RIMS2: variants seen among roughly 807,000 people sequenced by gnomAD.
RIMS2 encodes regulating synaptic membrane exocytosis protein 2.
In RIMS2, 59 loss-of-function variants were observed where a neutral mutation model predicts 174.4. The ratio of observed to expected loss-of-function variants is 0.34; its 90% CI spans 0.27 to 0.42. RIMS2 has a LOEUF of 0.42. Ranked by LOEUF, RIMS2 falls within the 10% of genes least tolerant of loss-of-function variation. The probability of loss-of-function intolerance (pLI) is 1.00; values close to 1 mark genes in which losing one functional copy is unlikely to be tolerated. For missense variants in RIMS2, 1,620 were observed against 1,666.3 expected, an observed-to-expected ratio of 0.97 and a Z score of 0.48; for synonymous variants, 606 against 572.5, an observed-to-expected ratio of 1.06 and a Z score of -0.84.
intron 1 of RIMS2, among the ~76,000 whole-genome samples, chr8:103,669,444 T>G (rs2096717210): frequency 1.3e-5 from 2 of 152,268 alleles, no homozygotes; most frequent in South Asian, 4.2e-4. Context: ...TCCCTCAAAG[T>G]CTTAACTCAT....
chr8:103,718,503 G>T (rs1337861007), intron 2 of RIMS2, among the ~76,000 whole-genome samples: 1 of 152,162 alleles, frequency 6.6e-6, no homozygotes, highest in Non-Finnish European at 1.5e-5. Flanking sequence ...TTTCCTCAGA[G>T]ATCCTGGATT....
At chr8:104,144,478 C>T (rs1011763160) in intron 19 of RIMS2, among the ~76,000 whole-genome samples, 4 of 152,020 alleles carry the variant, frequency 2.6e-5, no homozygotes, top group Admixed American at 6.6e-5. Flanking sequence ...AAAGAAGAAG[C>T]GATGTTGGAC....
chr8:103,916,373 A>G (rs760063223), intron 7 of RIMS2, 41 bp from the exon 11 acceptor site: 72 of 1,506,198 alleles, frequency 4.8e-5, no homozygotes, highest in South Asian at 1.9e-4. Context: ...TGTCAGATCA[A>G]ATTTTCTGTA....
At chr8:104,074,036 T>G (rs533345974) in intron 19 of RIMS2, among the ~76,000 whole-genome samples, 1 of 152,364 alleles carries the variant, frequency 6.6e-6, no homozygotes, top group African/African-American at 2.4e-5. Flanking sequence ...TTTCATTTGA[T>G]TAGCACTTAT....
chr8:103,544,072 G>A lies in RIMS2; in HGVS notation c.176+43010G>A, dbSNP rs866134979. On this transcript the variant is annotated intron_variant, in intron 1 of 23. Transcript: ENST00000504942. ...TATTTGCAGACCATACATCTGATAA[G>A]GGGTTAATATCCAGAATATATTAGG... 7.5e-3 allele frequency among the ~76,000 whole-genome samples: 934 copies of A among 125,266 alleles called. 10 individuals are homozygous for A. The highest frequency in any genetic ancestry group is 0.028 in the African/African-American group (884 of 31,600). The allele number at this position is 125,266 out of a possible 152,430, so 82.2% of individuals were successfully genotyped here. A position where few individuals can be genotyped will look rare whatever the true frequency, so the allele number is the denominator to read the frequency against.
chr8:103,918,535 A>C (rs1428575597), intron 9 of RIMS2, 48 bp downstream of exon 12: 1 of 1,239,984 alleles, frequency 8.1e-7, no homozygotes, highest in Middle Eastern at 1.9e-4. Flanking sequence ...AATTGCATTC[A>C]TCAGAGATCA....
intron 1 of RIMS2, among the ~76,000 whole-genome samples, chr8:103,639,179 A>T (rs1321987142): frequency 6.6e-6 from 1 of 151,958 alleles, no homozygotes; most frequent in East Asian, 1.9e-4. Context: ...TTATCTAGTT[A>T]AAATATCCTT....
chr8:103,596,875 A>G (rs1415614102), intron 1 of RIMS2, among the ~76,000 whole-genome samples: 2 of 152,124 alleles, frequency 1.3e-5, no homozygotes, highest in South Asian at 2.1e-4. Context: ...TAATAATTGC[A>G]TCACTAATTT....
chr8:103,829,092 T>TG (rs2098809477), intron 3 of RIMS2, among the ~76,000 whole-genome samples: 2 of 151,692 alleles, frequency 1.3e-5, no homozygotes, highest in Non-Finnish European at 2.9e-5. Flanking sequence ...ATAGGTTTTT[T>TG]TTTTTTTTTT....
chr8:103,594,761 T>C (rs1480095561), intron 1 of RIMS2, among the ~76,000 whole-genome samples: 1 of 151,730 alleles, frequency 6.6e-6, no homozygotes, highest in Non-Finnish European at 1.5e-5. Context: ...AAAGAAAATA[T>C]AGACAAAGTA....
At chr8:103,804,340 G>C (rs2098635735) in intron 3 of RIMS2, among the ~76,000 whole-genome samples, 1 of 152,166 alleles carries the variant, frequency 6.6e-6, no homozygotes, top group Admixed American at 6.6e-5. Flanking sequence ...CCTCTGAAAG[G>C]GATTTGGGGA....
chr8:103,942,945 C>A lies in RIMS2; in HGVS notation c.2701+19C>A. On this transcript the variant is annotated intron_variant, in intron 14 of 23. Transcript: ENST00000504942. ...TTGCAAAGTAAGTTTTACTAAAATTCTTTCATATTTTTATTGTATTTTCCT... is the reference window on the plus strand; with the variant it reads ...TTGCAAAGTAAGTTTTACTAAAATTATTTCATATTTTTATTGTATTTTCCT... 6.3e-7 allele frequency: 1 copy of A among 1,584,188 alleles called. No homozygotes were observed. Among genetic ancestry groups the A allele is most frequent in the Non-Finnish European group, 8.6e-7 (1 of 1,161,782 alleles).
Position 103,618,932 on chromosome 8 carries a change from A to C in RIMS2, c.177-78154A>C, listed in dbSNP as rs756779493. On this transcript the variant is annotated intron_variant, in intron 1 of 23. Transcript: ENST00000504942. ...GACACCCATCTTGACTACCACATAG[A>C]AGGAACTTGTCTGTAGAACAGATAA... is the stretch of plus-strand genomic sequence containing the variant. Among the ~76,000 whole-genome samples the C allele has an allele frequency of 7.9e-5, 12 of 152,128 alleles. No individual in the cohort carries two copies. The South Asian group carries it at 1.0e-3, about 13-fold the overall frequency.
intron 19 of RIMS2, among the ~76,000 whole-genome samples, chr8:104,168,586 G>A (rs2098811618): frequency 6.6e-6 from 1 of 151,682 alleles, no homozygotes. Flanking sequence ...GGGTTTTCAG[G>A]GTATACGATC....
At chr8:103,721,313 A>G (rs150465400) in intron 2 of RIMS2, among the ~76,000 whole-genome samples, 391 of 152,326 alleles carry the variant, frequency 2.6e-3, no homozygotes, top group Non-Finnish European at 3.9e-3. Context: ...TTTATAAATT[A>G]TGCAGTCTCA....
intron 2 of RIMS2, among the ~76,000 whole-genome samples, chr8:103,738,819 C>T (rs2097721467): frequency 6.6e-6 from 1 of 151,828 alleles, no homozygotes. Context: ...CAAATCAAAA[C>T]CACAACAAGA....
chr8:103,876,920 C>CA (rs1565063527), intron 3 of RIMS2, among the ~76,000 whole-genome samples: 1,337 of 62,192 alleles, frequency 0.021, 53 homozygotes, highest in Non-Finnish European at 0.033. Flanking sequence ...ACACACACAC[C>CA]CCCATATACA....
At chr8:104,137,112 T>A (rs1456483535) in intron 19 of RIMS2, among the ~76,000 whole-genome samples, 4 of 152,200 alleles carry the variant, frequency 2.6e-5, no homozygotes, top group Non-Finnish European at 5.9e-5. Context: ...TTTTCAAATT[T>A]GAAATTACCA....
At chr8:103,788,740 C>T (rs1298437609) in intron 3 of RIMS2, among the ~76,000 whole-genome samples, 2 of 152,134 alleles carry the variant, frequency 1.3e-5, no homozygotes, top group Non-Finnish European at 2.9e-5. Context: ...CTGTGCCCTG[C>T]CCCCAGAGGT....
Sources: allele counts gnomAD v4.1 joint callset (sites outside exome capture counted in the v4.1 genomes callset), GRCh38; gene constraint gnomAD v4.1.1; transcripts MANE v1.5; gene names NCBI Gene and HGNC (gene_info 2026-07-23, HGNC 2026-07-21).